Variants in PDE3A observed in about 807,000 individuals in gnomAD.
PDE3A encodes the protein phosphodiesterase 3A.
Under a neutral mutation model 98.3 loss-of-function variants are expected in PDE3A, and 43 were observed. That is an observed-to-expected ratio of 0.44 (90% CI 0.34 to 0.56). PDE3A has a LOEUF of 0.56. PDE3A is among the 20% of genes least tolerant of loss of function. PDE3A has a pLI of 0.01. For synonymous variants in PDE3A, 663 were observed against 567.9 expected (o/e 1.17, Z -2.38); for missense variants, 1,427 against 1,440.7 (o/e 0.99, Z 0.15).
At chr12:20,522,723 G>A (rs1946451491) in intron 1 of PDE3A, among the ~76,000 whole-genome samples, 3 of 152,088 alleles carry the variant, frequency 2.0e-5, no homozygotes, top group Admixed American at 6.6e-5. Flanking sequence ...TGATGTGAGA[G>A]GGCAGAATGA....
intron 2 of PDE3A, among the ~76,000 whole-genome samples, chr12:20,575,673 G>T (rs992578891): frequency 6.6e-5 from 10 of 151,930 alleles, no homozygotes; most frequent in Non-Finnish European, 1.5e-4. Flanking sequence ...GTGAAAAAGA[G>T]TTCTACTTCA....
At chr12:20,423,409 C>A (rs1944552374) in intron 1 of PDE3A, among the ~76,000 whole-genome samples, 1 of 152,120 alleles carries the variant, frequency 6.6e-6, no homozygotes, top group South Asian at 2.1e-4. Context: ...TTTCTTGAGA[C>A]TTTAAATTCT....
At chr12:20,437,388 G>A (rs1418946860) in intron 1 of PDE3A, among the ~76,000 whole-genome samples, 2 of 152,168 alleles carry the variant, frequency 1.3e-5, no homozygotes, top group East Asian at 3.9e-4. Context: ...GCATACCTAA[G>A]GTTGTGTAAA....
chr12:20,423,145 C>T (rs1284270302), intron 1 of PDE3A, among the ~76,000 whole-genome samples: 1 of 152,062 alleles, frequency 6.6e-6, no homozygotes, highest in Non-Finnish European at 1.5e-5. Context: ...TTATATAAAA[C>T]ATTTTAATGA....
chr12:20,608,454 G>A (rs994920636), intron 2 of PDE3A, among the ~76,000 whole-genome samples: 6 of 151,846 alleles, frequency 4.0e-5, no homozygotes, highest in East Asian at 1.9e-4. Flanking sequence ...TTTGTCTCTC[G>A]GCTTGAATGT....
chr12:20,668,701 A>G (rs1480649358), intron 15 of PDE3A, among the ~76,000 whole-genome samples: 1 of 150,030 alleles, frequency 6.7e-6, no homozygotes, highest in Non-Finnish European at 1.5e-5. Context: ...CCATCTGTAC[A>G]TCACCATCAT....
chr12:20,374,565 C>T (rs1188435924), intron 1 of PDE3A, among the ~76,000 whole-genome samples: 2 of 151,874 alleles, frequency 1.3e-5, no homozygotes, highest in South Asian at 2.1e-4. Context: ...TCTGCAGTGA[C>T]ATTTGTGTGA....
chr12:20,425,551 G>A (rs1385710501), intron 1 of PDE3A, among the ~76,000 whole-genome samples: 10 of 152,144 alleles, frequency 6.6e-5, no homozygotes, highest in Admixed American at 2.0e-4. Context: ...TAGGCCAGAC[G>A]TTTTTCTAAG....
chr12:20,545,777 C>A lies in PDE3A; in HGVS notation c.961-10883C>A, dbSNP rs1413729414. Among the ~76,000 whole-genome samples the A allele has an allele frequency of 8.8e-4, 124 of 141,064 alleles. 1 individual carries two copies. The highest frequency in any genetic ancestry group is 1.6e-3 in the South Asian group (7 of 4,360). The allele number at this position is 141,064 out of a possible 152,430, so 92.5% of individuals were successfully genotyped here. On this transcript the variant is annotated intron_variant, in intron 1 of 15. Transcript: ENST00000359062. ...GTAAAGGGCAAGAGGTAGTGGCTGC[C>A]AAAAAAAAAAAAACAAAACAAAACA...
intron 15 of PDE3A, among the ~76,000 whole-genome samples, chr12:20,675,102 TTTGTG>T (rs1489404968): frequency 6.6e-6 from 1 of 152,074 alleles, no homozygotes; most frequent in African/African-American, 2.4e-5. Context: ...TGACTACTAC[TTTGTG>T]TTGTTTCCAT....
intron 1 of PDE3A, among the ~76,000 whole-genome samples, chr12:20,443,473 G>A (rs1944903146): frequency 6.6e-6 from 1 of 152,078 alleles, no homozygotes; most frequent in Admixed American, 6.6e-5. Context: ...CTGTCAGTGT[G>A]ACTGAGGATA....
rs1223383175 is a variant in PDE3A at position 20,681,061 on chromosome 12, G to C, written c.*790G>C. 1 of 152,118 alleles carries C rather than the reference G, an allele frequency of 6.6e-6. No individual in the cohort carries two copies. Among genetic ancestry groups the C allele is most frequent in the Non-Finnish European group, 1.5e-5 (1 of 68,096 alleles). 9.4% of individuals were successfully genotyped at this position (152,118 alleles called of 1,614,324 possible). The stretch of plus-strand genomic sequence containing the variant: ...CATTCCAAATGCCCTCCTCCATTTA[G>C]CTTCAATAAAGGGCCTTTTGCTGAT... On this transcript the variant is annotated 3_prime_UTR_variant, in exon 16 of 16. Transcript: ENST00000359062.
chr12:20,551,967 G>A, intron 1 of PDE3A: 2 of 1,612,890 alleles, frequency 1.2e-6, no homozygotes, highest in Admixed American at 1.7e-5. Flanking sequence ...GGCCCCACGT[G>A]GCTGGCATCC....
At chr12:20,373,286 G>GGT (rs1250444037) in intron 1 of PDE3A, among the ~76,000 whole-genome samples, 2 of 152,012 alleles carry the variant, frequency 1.3e-5, no homozygotes, top group Non-Finnish European at 2.9e-5. Flanking sequence ...TGTCTGTTAA[G>GGT]GTGTGTGTAT....
At chr12:20,510,060 T>G (rs1946192168) in intron 1 of PDE3A, among the ~76,000 whole-genome samples, 1 of 152,030 alleles carries the variant, frequency 6.6e-6, no homozygotes, top group Non-Finnish European at 1.5e-5. Context: ...AATGGAAATT[T>G]TTAATCATTT....
At chr12:20,625,561 A>G (rs971469809) in intron 5 of PDE3A, among the ~76,000 whole-genome samples, 2 of 152,148 alleles carry the variant, frequency 1.3e-5, no homozygotes, top group Admixed American at 6.5e-5. Context: ...CGGGCTATCC[A>G]TTTTCACCTG....
Position 20,682,254 on chromosome 12 carries a change from T to C in PDE3A, c.*1983T>C, listed in dbSNP as rs927452719. On this transcript the variant is annotated 3_prime_UTR_variant, in exon 16 of 16. Coordinates refer to ENST00000359062, the MANE Select transcript of PDE3A (RefSeq NM_000921.5). Reference sequence around the variant, plus strand: ...GTTATGATTCTTCCTTGAGTACTTATATACAGACCTGCTCATTATCTAAAC... The same window carrying C: ...GTTATGATTCTTCCTTGAGTACTTACATACAGACCTGCTCATTATCTAAAC... The C allele has an allele frequency of 1.3e-5, 2 of 152,238 alleles. No individual in the cohort carries two copies. Among genetic ancestry groups the C allele is most frequent in the Non-Finnish European group, 2.9e-5 (2 of 68,032 alleles). 9.4% of individuals were successfully genotyped at this position (152,238 alleles called of 1,614,324 possible).
intron 1 of PDE3A, among the ~76,000 whole-genome samples, chr12:20,430,171 G>C (rs1157864792): frequency 1.3e-5 from 2 of 152,100 alleles, no homozygotes; most frequent in Non-Finnish European, 2.9e-5. Flanking sequence ...CCTTCAAGGT[G>C]ACTCTACTGC....
At chr12:20,542,155 G>A (rs1293417576) in intron 1 of PDE3A, among the ~76,000 whole-genome samples, 2 of 151,894 alleles carry the variant, frequency 1.3e-5, no homozygotes, top group East Asian at 3.9e-4. Context: ...AAGGTTTCTT[G>A]GCACTTATGA....
Sources: gnomAD v4.1 joint callset for allele counts (sites outside exome capture counted in the v4.1 genomes callset) on GRCh38, gnomAD v4.1.1 for gene constraint, MANE v1.5 for transcripts, NCBI Gene and HGNC (gene_info 2026-07-23, HGNC 2026-07-21) for gene names.